The following SLIT1 variants were observed in gnomAD, a reference collection of about 807,000 sequenced individuals.
SLIT1 encodes slit guidance ligand 1.
Under a neutral mutation model 186.1 loss-of-function variants are expected in SLIT1, and 66 were observed. That is an observed-to-expected ratio of 0.35 (90% CI 0.29 to 0.44). The LOEUF (loss-of-function observed/expected upper bound fraction) is 0.44. Among genes scored for constraint, SLIT1 ranks in the 20% least tolerant of loss-of-function variants. The pLI is 1.00. For missense variants in SLIT1, 1,638 were observed against 2,037.4 expected, an observed-to-expected ratio of 0.80 and a Z score of 3.77; for synonymous variants, 761 against 833.8, an observed-to-expected ratio of 0.91 and a Z score of 1.50.
At chr10:97,179,115 A>G (rs1382612987) in intron 1 of SLIT1, among the ~76,000 whole-genome samples, 1 of 151,960 alleles carries the variant, frequency 6.6e-6, no homozygotes, top group Non-Finnish European at 1.5e-5. Context: ...CAACACAACA[A>G]CAATTCAATC....
intron 14 of SLIT1, among the ~76,000 whole-genome samples, chr10:97,048,364 C>T (rs142487459): frequency 3.3e-5 from 5 of 152,290 alleles, no homozygotes; most frequent in Admixed American, 2.0e-4. Context: ...CCAGATGCCA[C>T]GTGGACTACA....
rs1344542206 is a variant in SLIT1, at chr10:97,048,954, C to T, written c.1465+1G>A. 3 of 1,605,146 alleles carry T rather than the reference C, an allele frequency of 1.9e-6. No homozygotes were observed. The highest frequency in any genetic ancestry group is 2.7e-5 in the African/African-American group (2 of 74,406). ...GGGCAGGTGGGCAGGCGGGCAGGTA[C>T]CTGAGCACCGGAACTTCTTGCTCTT... On this transcript the variant is annotated splice_donor_variant, in intron 14 of 36. Transcript: ENST00000266058. LOFTEE classifies it high-confidence loss of function.
chr10:97,091,816 C>A (rs1849235367), intron 4 of SLIT1, among the ~76,000 whole-genome samples: 3 of 152,220 alleles, frequency 2.0e-5, no homozygotes. Flanking sequence ...ATGCCAAGCC[C>A]ATAGGCTAAG....
intron 22 of SLIT1, among the ~76,000 whole-genome samples, chr10:97,036,250 T>G (rs530887003): frequency 6.6e-6 from 1 of 152,318 alleles, no homozygotes; most frequent in East Asian, 1.9e-4. Context: ...TTCAACACAC[T>G]TTGTGGTCCT....
chr10:97,122,727 T>C (rs972698096), intron 4 of SLIT1, among the ~76,000 whole-genome samples: 1 of 152,136 alleles, frequency 6.6e-6, no homozygotes, highest in Non-Finnish European at 1.5e-5. Flanking sequence ...AACAAATGTT[T>C]GCCAAATGCC....
intron 4 of SLIT1, among the ~76,000 whole-genome samples, chr10:97,122,618 C>T (rs902276866): frequency 2.5e-4 from 38 of 152,230 alleles, no homozygotes; most frequent in African/African-American, 8.2e-4. Flanking sequence ...GTACATACTC[C>T]GGGCCAAGAG....
At chr10:97,052,107 T>TG (rs557095119) in intron 13 of SLIT1, among the ~76,000 whole-genome samples, 240 of 146,748 alleles carry the variant, frequency 1.6e-3, no homozygotes, top group Non-Finnish European at 2.7e-3. Context: ...TTTGTTTGTT[T>TG]TTTTTTTTTT....
intron 4 of SLIT1, among the ~76,000 whole-genome samples, chr10:97,134,901 C>G (rs879723715): frequency 3.3e-5 from 5 of 152,174 alleles, no homozygotes; most frequent in South Asian, 2.1e-4. Context: ...CACTGTGCAA[C>G]CTGGGCAAGT....
chr10:97,142,264 G>T (rs1165329116), intron 4 of SLIT1, among the ~76,000 whole-genome samples: 1 of 152,084 alleles, frequency 6.6e-6, no homozygotes, highest in Non-Finnish European at 1.5e-5. Flanking sequence ...AAAGAATGTG[G>T]TACTGGCATA....
chr10:97,146,187 G>A (rs879506401), intron 4 of SLIT1, among the ~76,000 whole-genome samples: 2 of 152,074 alleles, frequency 1.3e-5, no homozygotes, highest in Non-Finnish European at 2.9e-5. Flanking sequence ...TTTGCCTTAG[G>A]GCACACACTG....
chr10:97,075,834 G>A lies in SLIT1; in HGVS notation c.414-9748C>T, dbSNP rs192816236. ...GTGCTGCCTCCAGCAGAGGAAAGGT[G>A]TAAAATGTTTTAATGTCCCCAGCTG... On this transcript the variant is annotated intron_variant, in intron 4 of 36. Transcript: ENST00000266058. Among the ~76,000 whole-genome samples, 4 of 152,326 alleles carry A rather than the reference G, an allele frequency of 2.6e-5. No individual in the cohort carries two copies. The East Asian group carries it at 7.7e-4, about 29-fold the overall frequency.
intron 13 of SLIT1, among the ~76,000 whole-genome samples, chr10:97,055,146 G>C (rs1848825267): frequency 6.6e-6 from 1 of 152,186 alleles, no homozygotes; most frequent in African/African-American, 2.4e-5. Context: ...GAACCTGGGA[G>C]GTGGAGGTTG....
intron 31 of SLIT1, among the ~76,000 whole-genome samples, chr10:97,009,047 T>A (rs1564652513): frequency 6.6e-6 from 1 of 151,988 alleles, no homozygotes; most frequent in Non-Finnish European, 1.5e-5. Flanking sequence ...GCCTGGTTAA[T>A]TTTTGTATTT....
intron 4 of SLIT1, among the ~76,000 whole-genome samples, chr10:97,139,169 G>A (rs555717862): frequency 6.6e-6 from 1 of 152,336 alleles, no homozygotes; most frequent in African/African-American, 2.4e-5. Context: ...TCTCAGCCAG[G>A]CAGCAGGCTG....
At chr10:97,119,903 T>C (rs1421989954) in intron 4 of SLIT1, among the ~76,000 whole-genome samples, 2 of 65,378 alleles carry the variant, frequency 3.1e-5, no homozygotes, top group African/African-American at 8.8e-5. Flanking sequence ...CATATTTTTT[T>C]TCCAAAGGGG....
chr10:97,092,912 G>C (rs997324484), intron 4 of SLIT1, among the ~76,000 whole-genome samples: 6 of 152,206 alleles, frequency 3.9e-5, no homozygotes, highest in African/African-American at 1.4e-4. Context: ...AACTCCATGA[G>C]GCCACTGGAC....
chr10:97,066,979 C>A (rs142428876), intron 4 of SLIT1, among the ~76,000 whole-genome samples: 1 of 152,176 alleles, frequency 6.6e-6, no homozygotes, highest in African/African-American at 2.4e-5. Context: ...CTGGGGCTTA[C>A]GCTCTGTGTC....
rs1358737207 is a variant in SLIT1, at chr10:97,027,414, T to C, written c.2582+3343A>G. Among the ~76,000 whole-genome samples the C allele has an allele frequency of 2.0e-5, 3 of 152,256 alleles. No individual in the cohort carries two copies. In the East Asian group the frequency reaches 5.8e-4, roughly 29 times the overall value. ...ACATGAATATAAGTACACACACATC[T>C]TCCAGGCTGCTGCCTGTTTCCATCT... On this transcript the variant is annotated intron_variant, in intron 25 of 36. Coordinates refer to ENST00000266058, the MANE Select transcript of SLIT1 (RefSeq NM_003061.3).
chr10:97,055,041 C>T (rs986527246), intron 13 of SLIT1, among the ~76,000 whole-genome samples: 1 of 152,082 alleles, frequency 6.6e-6, no homozygotes, highest in Non-Finnish European at 1.5e-5. Flanking sequence ...CATGGTGAAA[C>T]CCCATCTCCA....
Sources: gnomAD v4.1 joint callset for allele counts (sites outside exome capture counted in the v4.1 genomes callset) on GRCh38, gnomAD v4.1.1 for gene constraint, MANE v1.5 for transcripts, NCBI Gene and HGNC (gene_info 2026-07-23, HGNC 2026-07-21) for gene names.